ST3GAL3: variants seen among roughly 807,000 people sequenced by gnomAD.
ST3GAL3 encodes the protein CMP-N-acetylneuraminate-beta-1,4-galactoside alpha-2,3-sialyltransferase.
A neutral mutation model predicts 50.1 loss-of-function variants in ST3GAL3; 21 were observed. The ratio of observed to expected loss-of-function variants is 0.42; its 90% CI spans 0.30 to 0.60. The LOEUF (loss-of-function observed/expected upper bound fraction) is 0.60, where lower values mean the gene tolerates loss of function less well. Among genes scored for constraint, ST3GAL3 ranks in the 20% least tolerant of loss-of-function variants. The probability of loss-of-function intolerance (pLI) is 0.19; values close to 1 mark genes in which losing one functional copy is unlikely to be tolerated. For synonymous variants in ST3GAL3, 183 were observed against 190.0 expected, an observed-to-expected ratio of 0.96 and a Z score of 0.30; for missense variants, 353 against 489.4, an observed-to-expected ratio of 0.72 and a Z score of 2.63.
At chr1:43,876,754 G>C (rs1460940827) in intron 5 of ST3GAL3, among the ~76,000 whole-genome samples, 1 of 152,194 alleles carries the variant, frequency 6.6e-6, no homozygotes, top group Non-Finnish European at 1.5e-5. Context: ...GTGGATGGAC[G>C]AATGTGAAAG....
intron 4 of ST3GAL3, among the ~76,000 whole-genome samples, chr1:43,838,001 G>C (rs1016567814): frequency 1.3e-5 from 2 of 149,322 alleles, no homozygotes; most frequent in Non-Finnish European, 3.0e-5. Context: ...CCTTATCCCA[G>C]CCACTCGGGA....
At chr1:43,818,290 G>C (rs2061666757) in intron 4 of ST3GAL3, among the ~76,000 whole-genome samples, 1 of 152,110 alleles carries the variant, frequency 6.6e-6, no homozygotes, top group Non-Finnish European at 1.5e-5. Flanking sequence ...CCCAAAGCAG[G>C]CTGCAAGAAC....
intron 3 of ST3GAL3, among the ~76,000 whole-genome samples, chr1:43,794,844 A>C (rs1046260823): frequency 1.3e-5 from 2 of 152,240 alleles, no homozygotes; most frequent in African/African-American, 4.8e-5. Context: ...TCCTTTCATA[A>C]AAAGTTCAAA....
intron 2 of ST3GAL3, among the ~76,000 whole-genome samples, chr1:43,771,364 G>GTT (rs397943226): frequency 1.1e-4 from 16 of 143,072 alleles, no homozygotes; most frequent in African/African-American, 3.5e-4. Context: ...GCGACTTTTT[G>GTT]TTTTTTTTTT....
intron 2 of ST3GAL3, among the ~76,000 whole-genome samples, chr1:43,776,265 C>T (rs957235950): frequency 6.6e-6 from 1 of 152,090 alleles, no homozygotes; most frequent in African/African-American, 2.4e-5. Flanking sequence ...TTTCTGTCAC[C>T]GTAGATTTGC....
At chr1:43,857,215 G>A (rs531990826) in intron 5 of ST3GAL3, among the ~76,000 whole-genome samples, 1 of 152,330 alleles carries the variant, frequency 6.6e-6, no homozygotes, top group Non-Finnish European at 1.5e-5. Flanking sequence ...GCAAAAGGCA[G>A]TTTGGAACCT....
chr1:43,801,613 C>A, intron 3 of ST3GAL3: 2 of 242,504 alleles, frequency 8.2e-6, no homozygotes, highest in Non-Finnish European at 1.7e-5. Flanking sequence ...CTACATAGGG[C>A]ATTGTGAAAA....
intron 1 of ST3GAL3, among the ~76,000 whole-genome samples, chr1:43,712,977 C>CAA (rs1557961594): frequency 1.3e-5 from 2 of 152,296 alleles, no homozygotes; most frequent in Admixed American, 1.3e-4. Context: ...ACTACTTTGT[C>CAA]AGCTTTGCCT....
chr1:43,894,167 A>ACTGAC (rs1382381430), intron 5 of ST3GAL3: 5 of 589,326 alleles, frequency 8.5e-6, no homozygotes, highest in Non-Finnish European at 1.6e-5. Context: ...CCAAATAAAG[A>ACTGAC]CTGACCAGGC....
At chr1:43,843,209 A>G (rs1283031839) in intron 5 of ST3GAL3, among the ~76,000 whole-genome samples, 1 of 152,234 alleles carries the variant, frequency 6.6e-6, no homozygotes, top group Non-Finnish European at 1.5e-5. Flanking sequence ...TGTTAGCTGT[A>G]GGTTTTTCAT....
At chr1:43,920,747 G>T in intron 10 of ST3GAL3, 35 bp from the exon 11 acceptor site, 1 of 1,614,154 alleles carries the variant, frequency 6.2e-7, no homozygotes, top group South Asian at 1.1e-5. Context: ...GCTGAACTCT[G>T]CATGCCTTCT....
chr1:43,771,752 G>A (rs963303197), intron 2 of ST3GAL3: 3 of 394,506 alleles, frequency 7.6e-6, no homozygotes, highest in Non-Finnish European at 8.9e-6. Context: ...GTGTGTGTGT[G>A]TGTGTGTGTG....
intron 1 of ST3GAL3, among the ~76,000 whole-genome samples, chr1:43,723,336 T>C (rs1671394711): frequency 6.6e-6 from 1 of 152,124 alleles, no homozygotes; most frequent in Admixed American, 6.5e-5. Flanking sequence ...CTCAAACTCC[T>C]GACCTCAGGT....
At chr1:43,837,567 G>T (rs2064574132) in intron 4 of ST3GAL3, among the ~76,000 whole-genome samples, 2 of 152,206 alleles carry the variant, frequency 1.3e-5, no homozygotes, top group South Asian at 4.1e-4. Flanking sequence ...GGGGCTCTGA[G>T]TATCAAAGCC....
chr1:43,892,674 C>T (rs945827275), intron 5 of ST3GAL3, among the ~76,000 whole-genome samples: 16 of 152,028 alleles, frequency 1.1e-4, no homozygotes, highest in Non-Finnish European at 1.5e-4. Context: ...AAAAAAATGT[C>T]GAGATCATTT....
intron 2 of ST3GAL3, among the ~76,000 whole-genome samples, chr1:43,754,127 A>G (rs1163205809): frequency 1.3e-5 from 2 of 152,230 alleles, no homozygotes; most frequent in Non-Finnish European, 2.9e-5. Context: ...GTGTTGTGCT[A>G]AGACAGAAAA....
intron 1 of ST3GAL3, among the ~76,000 whole-genome samples, chr1:43,734,301 TTTTTTTG>T (rs1307966284): frequency 3.4e-5 from 4 of 118,576 alleles, no homozygotes; most frequent in East Asian, 2.5e-4. Flanking sequence ...CTTCTTCTTT[TTTTTTTG>T]TTTTTTTTTT....
intron 3 of ST3GAL3, among the ~76,000 whole-genome samples, chr1:43,806,413 A>G (rs1293142204): frequency 6.6e-6 from 1 of 152,104 alleles, no homozygotes; most frequent in Non-Finnish European, 1.5e-5. Flanking sequence ...TGAACCAAGC[A>G]ACAGTGAAGA....
At chr1:43,814,822 TG>T in intron 3 of ST3GAL3, 68 bp from the exon 4 acceptor site, 1 of 1,469,002 alleles carries the variant, frequency 6.8e-7, no homozygotes, top group Non-Finnish European at 9.5e-7. Context: ...GGTCTAGGTC[TG>T]GGGGATGCAA....
Sources: gnomAD v4.1 joint callset for allele counts (sites outside exome capture counted in the v4.1 genomes callset) on GRCh38, gnomAD v4.1.1 for gene constraint, MANE v1.5 for transcripts, NCBI Gene and HGNC (gene_info 2026-07-23, HGNC 2026-07-21) for gene names.